The following CAST variants were observed in gnomAD, a reference collection of about 807,000 sequenced individuals.
CAST encodes the protein calpastatin, also known as MIR583 host.
A neutral mutation model predicts 119.6 loss-of-function variants in CAST; 76 were observed. The observed-to-expected ratio is 0.64, with a 90% CI of 0.53 to 0.77. The LOEUF (loss-of-function observed/expected upper bound fraction) is 0.77. CAST is among the 30% of genes least tolerant of loss of function. CAST has a pLI of 0.00. For missense variants in CAST, 953 were observed against 946.5 expected (o/e 1.01, Z -0.09); for synonymous variants, 319 against 331.6 (o/e 0.96, Z 0.41).
chr5:96,146,734 G>T, the CAST span, among the ~76,000 whole-genome samples: 1 of 152,066 alleles, frequency 6.6e-6, no homozygotes, highest in Non-Finnish European at 1.5e-5. Context: ...ATCAACCCAT[G>T]ACATCTCATT....
the CAST span, among the ~76,000 whole-genome samples, chr5:96,287,679 A>G: frequency 2.0e-5 from 3 of 152,140 alleles, no homozygotes; most frequent in Admixed American, 6.5e-5. Flanking sequence ...CTTCTATTCT[A>G]GATTCTATTG....
chr5:96,633,356 A>G (rs9687694), intron 1 of CAST, among the ~76,000 whole-genome samples: 3,708 of 152,296 alleles, frequency 0.024, 188 homozygotes, highest in African/African-American at 0.085. Flanking sequence ...ATGTTTTTCC[A>G]TGTATTTAGG....
At position 96,741,522 on chromosome 5, in the gene CAST, C is replaced by A; in HGVS notation, c.1040C>A (p.Ser347Ter). 6.2e-7 allele frequency: 1 copy of A among 1,613,542 alleles called. No individual in the cohort carries two copies. Among genetic ancestry groups the A allele is most frequent in the Non-Finnish European group, 8.5e-7 (1 of 1,179,542 alleles). Residue 347 changes from serine to a stop codon, truncating the protein, a stop_gained, in exon 15 of 32, where the codon TCA (serine) becomes TAA (stop). Coordinates refer to ENST00000675179, the MANE Select transcript of CAST (RefSeq NM_001750.7). LOFTEE classifies it high-confidence loss of function. The part of the protein sequence containing the change: ...EESTEVLKAQ[S>*]AGTVRSAAPP... ...TCTACAGAAGTTTTAAAAGCTCAGT[C>A]AGCAGGGACAGTCAGAAGTGCTGCT...
At chr5:96,569,141 C>G (rs945774579) in intron 1 of CAST, among the ~76,000 whole-genome samples, 31 of 152,160 alleles carry the variant, frequency 2.0e-4, no homozygotes, top group African/African-American at 7.2e-4. Context: ...AAACAAACTT[C>G]ATTTTATGGA....
the CAST span, among the ~76,000 whole-genome samples, chr5:96,106,161 T>G: frequency 1.3e-5 from 2 of 152,210 alleles, no homozygotes; most frequent in African/African-American, 2.4e-5. Flanking sequence ...GCCTATCAAT[T>G]TTGTTGATCC....
intron 1 of CAST, among the ~76,000 whole-genome samples, chr5:96,582,026 T>G (rs999075665): frequency 2.0e-5 from 3 of 152,210 alleles, no homozygotes; most frequent in African/African-American, 7.2e-5. Context: ...GAGGAATTAG[T>G]AAACTCTTTG....
At chr5:96,263,610 G>A in the CAST span, among the ~76,000 whole-genome samples, 41 of 151,934 alleles carry the variant, frequency 2.7e-4, no homozygotes, top group African/African-American at 9.2e-4. Flanking sequence ...ATTAGAGAGA[G>A]AGAGAGAGAG....
Position 96,770,531 on chromosome 5 carries a change from G to A in CAST, c.2269G>A (p.Asp757Asn), listed in dbSNP as rs1771904322. The part of the protein sequence containing the change: ...TTETSQNTAK[D>N]KCKKAASSSK... The stretch of plus-strand genomic sequence containing the variant: ...CCTCATTACATTTCCTTTGCTTTAG[G>A]ATAAGTGCAAGAAGGCTGCTTCCAG... The change falls in exon 30 of 32, where the codon GAT becomes AAT. Residue 757 changes from aspartate to asparagine, a missense_variant and splice_region_variant. Transcript: ENST00000675179. 6.2e-7 allele frequency: 1 copy of A among 1,609,404 alleles called. No homozygotes were observed. Among genetic ancestry groups the A allele is most frequent in the African/African-American group, 1.3e-5 (1 of 74,902 alleles).
chr5:96,562,044 G>A (rs1333957934), intron 1 of CAST, among the ~76,000 whole-genome samples: 2 of 150,912 alleles, frequency 1.3e-5, no homozygotes, highest in Non-Finnish European at 3.0e-5. Flanking sequence ...CGCCCGCCTC[G>A]GCCTCCCAAA....
At chr5:96,108,482 C>T in the CAST span, among the ~76,000 whole-genome samples, 2 of 152,156 alleles carry the variant, frequency 1.3e-5, no homozygotes, top group African/African-American at 2.4e-5. Context: ...AGTACCCGGC[C>T]GTGTGAGGTG....
At chr5:96,716,370 C>A (rs1757186550) in intron 3 of CAST, among the ~76,000 whole-genome samples, 1 of 152,174 alleles carries the variant, frequency 6.6e-6, no homozygotes, top group Non-Finnish European at 1.5e-5. Context: ...GTTTTCTGAC[C>A]TCTGCTGTCA....
intron 1 of CAST, among the ~76,000 whole-genome samples, chr5:96,567,474 A>G (rs1307425596): frequency 1.3e-5 from 2 of 152,152 alleles, no homozygotes; most frequent in Non-Finnish European, 2.9e-5. Context: ...ACCAGCAGGA[A>G]TTGCCTTCTC....
At chr5:96,401,893 A>T in the CAST span, among the ~76,000 whole-genome samples, 1 of 152,224 alleles carries the variant, frequency 6.6e-6, no homozygotes, top group Non-Finnish European at 1.5e-5. Flanking sequence ...AACATGCCTA[A>T]GTGCTAACTA....
In CAST at chr5:96,754,153, A is replaced by G; in HGVS notation, c.1618A>G (p.Lys540Glu). The G allele has an allele frequency of 6.3e-7, 1 of 1,599,244 alleles. No individual in the cohort carries two copies. The highest frequency in any genetic ancestry group is 8.6e-7 in the Non-Finnish European group (1 of 1,166,410). ...DPEDGKPVMD[K>E]VKEKAKEEDR... is the part of the protein sequence containing the mutation. ...AGAAGATGGAAAACCTGTGATGGAT[A>G]AAGTCAAGGTAATGGCAACTGAGAT... Residue 540 changes from lysine to glutamate, a missense_variant, in exon 21 of 32, where the codon AAA becomes GAA. Physicochemically the swap from Lys to Glu is moderately conservative, Grantham distance 56. Transcript: ENST00000675179.
chr5:96,393,649 G>C, the CAST span, among the ~76,000 whole-genome samples: 1 of 152,184 alleles, frequency 6.6e-6, no homozygotes, highest in Non-Finnish European at 1.5e-5. Context: ...TTGAAGACTA[G>C]ATGAGACTGT....
chr5:95,970,350 T>A, the CAST span: 1 of 152,294 alleles, frequency 6.6e-6, no homozygotes, highest in Non-Finnish European at 1.5e-5. Context: ...AGCAGAGAGA[T>A]GAATGATCAG....
intron 3 of CAST, among the ~76,000 whole-genome samples, chr5:96,720,264 T>C (rs1757990704): frequency 6.6e-6 from 1 of 152,216 alleles, no homozygotes; most frequent in South Asian, 2.1e-4. Flanking sequence ...ATCACTAAGG[T>C]GCTTTCTCTT....
the CAST span, among the ~76,000 whole-genome samples, chr5:96,490,427 T>C: frequency 6.6e-5 from 10 of 151,758 alleles, no homozygotes; most frequent in African/African-American, 2.4e-4. Flanking sequence ...GCATGTGAAA[T>C]GCAAAGGACT....
chr5:96,593,945 T>G (rs528390966), intron 1 of CAST, among the ~76,000 whole-genome samples: 1 of 152,352 alleles, frequency 6.6e-6, no homozygotes, highest in East Asian at 1.9e-4. Context: ...ACTAAGCCAA[T>G]GCATGTCAGC....
Sources: gnomAD v4.1 joint callset for allele counts (sites outside exome capture counted in the v4.1 genomes callset) on GRCh38, gnomAD v4.1.1 for gene constraint, MANE v1.5 for transcripts, NCBI Gene and HGNC (gene_info 2026-07-23, HGNC 2026-07-21) for gene names.